MYT1L: variants seen among roughly 807,000 people sequenced by gnomAD.
The protein encoded by MYT1L is myelin transcription factor 1 like.
A neutral mutation model predicts 126.7 loss-of-function variants in MYT1L; 12 were observed. The observed-to-expected ratio is 0.09, with a 90% CI of 0.06 to 0.15. MYT1L has a LOEUF of 0.15. MYT1L is among the 10% of genes least tolerant of loss of function. MYT1L has a pLI of 1.00. For synonymous variants in MYT1L, 541 were observed against 604.2 expected (o/e 0.90, Z 1.53); for missense variants, 979 against 1,585.2 (o/e 0.62, Z 6.49).
chr2:2,182,499 G>A (rs1344009005), intron 2 of MYT1L, among the ~76,000 whole-genome samples: 1 of 151,632 alleles, frequency 6.6e-6, no homozygotes. Flanking sequence ...TCACACCCAT[G>A]TACCCCCCAC....
At chr2:1,986,411 TCTGGGAAAATC>T (rs2061024933) in intron 5 of MYT1L, among the ~76,000 whole-genome samples, 1 of 152,096 alleles carries the variant, frequency 6.6e-6, no homozygotes, top group African/African-American at 2.4e-5. Context: ...GGGTATTTGC[TCTGGGAAAATC>T]CTGGGATTCC....
chr2:1,792,536 A>T (rs971867381), intron 23 of MYT1L, 72 bp from the exon 24 acceptor site: 3 of 1,516,040 alleles, frequency 2.0e-6, no homozygotes, highest in Admixed American at 3.6e-5. Context: ...GCCGGGGGCC[A>T]CAGTCTACTG....
At chr2:1,928,534 C>T (rs956357367) in intron 9 of MYT1L, among the ~76,000 whole-genome samples, 2 of 151,914 alleles carry the variant, frequency 1.3e-5, no homozygotes, top group East Asian at 3.9e-4. Flanking sequence ...CAGTTCTCAC[C>T]CCAGGGCCTC....
chr2:2,037,078 C>T (rs1013440674), intron 4 of MYT1L, among the ~76,000 whole-genome samples: 4 of 152,234 alleles, frequency 2.6e-5, no homozygotes, highest in Non-Finnish European at 4.4e-5. Flanking sequence ...GGGCTGACTC[C>T]TTTACTTTAA....
chr2:1,965,445 G>A (rs988993205), intron 8 of MYT1L, among the ~76,000 whole-genome samples: 2 of 150,038 alleles, frequency 1.3e-5, no homozygotes, highest in Admixed American at 6.6e-5. Flanking sequence ...CAGGGAAGAG[G>A]AGGACTCAGA....
chr2:2,222,913 G>T (rs2093916206), intron 2 of MYT1L, among the ~76,000 whole-genome samples: 1 of 152,152 alleles, frequency 6.6e-6, no homozygotes, highest in Admixed American at 6.5e-5. Context: ...TGCATCAGTA[G>T]CTACCATAAT....
At chr2:1,838,722 T>C (rs2041235373) in intron 21 of MYT1L, among the ~76,000 whole-genome samples, 1 of 152,202 alleles carries the variant, frequency 6.6e-6, no homozygotes, top group South Asian at 2.1e-4. Context: ...TTTTTGGGAA[T>C]GTTCTCATGC....
chr2:2,170,004 TTCTGC>T (rs940969104), intron 3 of MYT1L, among the ~76,000 whole-genome samples: 1 of 152,240 alleles, frequency 6.6e-6, no homozygotes, highest in African/African-American at 2.4e-5. Flanking sequence ...GTCTCTTGAA[TTCTGC>T]TCTGATTTCC....
intron 4 of MYT1L, among the ~76,000 whole-genome samples, chr2:1,998,333 G>T (rs758099252): frequency 2.0e-5 from 3 of 152,196 alleles, no homozygotes; most frequent in Non-Finnish European, 2.9e-5. Flanking sequence ...TGGAAGTGCC[G>T]CTGCACTTTC....
At chr2:2,182,999 GGT>G (rs1007863092) in intron 2 of MYT1L, among the ~76,000 whole-genome samples, 1 of 152,202 alleles carries the variant, frequency 6.6e-6, no homozygotes, top group Non-Finnish European at 1.5e-5. Flanking sequence ...CTGCCACAGA[GGT>G]GGGGAGGTTT....
chr2:1,923,015 C>G lies in MYT1L; in HGVS notation c.754G>C (p.Asp252His). The G allele has an allele frequency of 3.7e-6, 6 of 1,614,004 alleles. No homozygotes were observed. Among genetic ancestry groups the G allele is most frequent in the Non-Finnish European group, 4.2e-6 (5 of 1,179,892 alleles). ...NLGRKSELSL[D>H]LDSDVVRETV... The stretch of plus-strand genomic sequence containing the variant: ...TCTCTAACAACATCACTGTCTAAGT[C>G]TAAACTCAACTCACTTTTCCGACCC... Residue 252 changes from aspartate to histidine, a missense_variant, in exon 10 of 25, where the codon GAC becomes CAC. This residue lies in a region of MYT1L where 243 missense variants were observed against 363.9 expected (regional missense o/e 0.67). Transcript: ENST00000647738.
intron 5 of MYT1L, among the ~76,000 whole-genome samples, chr2:1,989,022 T>C (rs1019994395): frequency 6.6e-6 from 1 of 152,126 alleles, no homozygotes; most frequent in African/African-American, 2.4e-5. Flanking sequence ...TAATACCAAA[T>C]ATTATATTAG....
At chr2:2,020,700 C>T (rs569060240) in intron 4 of MYT1L, among the ~76,000 whole-genome samples, 124 of 152,288 alleles carry the variant, frequency 8.1e-4, no homozygotes, top group African/African-American at 2.7e-3. Flanking sequence ...AAGTTTTAAA[C>T]TTTGATCTAC....
intron 5 of MYT1L, among the ~76,000 whole-genome samples, chr2:1,981,729 G>C (rs1276180392): frequency 6.6e-6 from 1 of 152,194 alleles, no homozygotes; most frequent in Non-Finnish European, 1.5e-5. Context: ...AAAAAAACAA[G>C]TTAACGGCAG....
intron 2 of MYT1L, among the ~76,000 whole-genome samples, chr2:2,199,613 T>G (rs2092970563): frequency 6.6e-6 from 1 of 152,202 alleles, no homozygotes; most frequent in Non-Finnish European, 1.5e-5. Flanking sequence ...ACAGTGTTAA[T>G]GTGAGAAGCC....
At chr2:2,212,984 G>A (rs1388977485) in intron 2 of MYT1L, among the ~76,000 whole-genome samples, 1 of 152,138 alleles carries the variant, frequency 6.6e-6, no homozygotes, top group Admixed American at 6.5e-5. Flanking sequence ...AATAAGTAGA[G>A]GGGAGAGGCA....
intron 1 of MYT1L, among the ~76,000 whole-genome samples, chr2:2,299,677 C>T (rs138897920): frequency 7.2e-5 from 11 of 152,310 alleles, no homozygotes; most frequent in Non-Finnish European, 4.4e-5. Context: ...CTCAAGCACC[C>T]GAACTGTTAA....
At chr2:2,020,229 A>G (rs762240477) in intron 4 of MYT1L, among the ~76,000 whole-genome samples, 16 of 152,246 alleles carry the variant, frequency 1.1e-4, no homozygotes, top group Non-Finnish European at 2.2e-4. Flanking sequence ...TTATAAAACT[A>G]TCACGTGTTG....
intron 9 of MYT1L, among the ~76,000 whole-genome samples, chr2:1,926,241 G>A (rs1413420786): frequency 6.6e-6 from 1 of 152,128 alleles, no homozygotes; most frequent in Admixed American, 6.5e-5. Flanking sequence ...AATGAAGTCA[G>A]CTCCTAATTA....
Sources: allele counts gnomAD v4.1 joint callset (sites outside exome capture counted in the v4.1 genomes callset), GRCh38; gene constraint gnomAD v4.1.1; regional missense constraint gnomAD v4.1.1; transcripts MANE v1.5; gene names NCBI Gene and HGNC (gene_info 2026-07-23, HGNC 2026-07-21).